Variants in XIRP2 observed in about 807,000 individuals in gnomAD.
XIRP2 encodes xin actin-binding repeat-containing protein 2.
XIRP2 carries 236 observed loss-of-function variants against 277.0 expected under a neutral mutation model. The ratio of observed to expected loss-of-function variants is 0.85; its 90% CI spans 0.77 to 0.95. The LOEUF (loss-of-function observed/expected upper bound fraction) is 0.95. Among genes scored for constraint, XIRP2 ranks in the 40% least tolerant of loss-of-function variants. The pLI, the probability that XIRP2 is intolerant of heterozygous loss-of-function variation, is 0.00. For synonymous variants in XIRP2, 1,490 were observed against 1,416.5 expected, an observed-to-expected ratio of 1.05 and a Z score of -1.17; for missense variants, 4,640 against 4,157.5, an observed-to-expected ratio of 1.12 and a Z score of -3.19.
chr2:166,914,374 T>G (rs991056577), intron 2 of XIRP2, among the ~76,000 whole-genome samples: 3 of 152,340 alleles, frequency 2.0e-5, no homozygotes, highest in Non-Finnish European at 4.4e-5. Flanking sequence ...GGAGTCTCGC[T>G]CTGTCACCCA....
chr2:167,174,099 G>A (rs374520347), intron 3 of XIRP2, among the ~76,000 whole-genome samples: 1 of 152,140 alleles, frequency 6.6e-6, no homozygotes, highest in Non-Finnish European at 1.5e-5. Context: ...TCTCTGCCAG[G>A]TTTCAGTATC....
At chr2:167,236,238 C>A in intron 5 of XIRP2, among the ~76,000 whole-genome samples, 1 of 151,320 alleles carries the variant, frequency 6.6e-6, no homozygotes, top group African/African-American at 2.4e-5. Flanking sequence ...AGTGAGTCGC[C>A]ATAAAAAAAA....
At chr2:167,221,058 G>A (rs868707839) in intron 5 of XIRP2, among the ~76,000 whole-genome samples, 6 of 152,080 alleles carry the variant, frequency 3.9e-5, no homozygotes, top group African/African-American at 1.2e-4. Context: ...ATTGAATAAA[G>A]TTAAGCCATA....
At chr2:167,078,810 C>T (rs1323491933) in intron 2 of XIRP2, among the ~76,000 whole-genome samples, 2 of 146,106 alleles carry the variant, frequency 1.4e-5, no homozygotes, top group African/African-American at 5.0e-5. Flanking sequence ...TGCACTCCAG[C>T]CTGAGCGACA....
At chr2:167,034,119 A>G (rs1004638509) in intron 2 of XIRP2, among the ~76,000 whole-genome samples, 2 of 152,204 alleles carry the variant, frequency 1.3e-5, no homozygotes, top group African/African-American at 2.4e-5. Flanking sequence ...GAAACCATAA[A>G]AAGTTAAAAA....
At chr2:167,188,044 C>A (rs1693208404) in intron 3 of XIRP2, among the ~76,000 whole-genome samples, 1 of 152,130 alleles carries the variant, frequency 6.6e-6, no homozygotes, top group African/African-American at 2.4e-5. Flanking sequence ...GTCTCATCTC[C>A]TCTGGGAGTA....
intron 10 of XIRP2, among the ~76,000 whole-genome samples, chr2:167,257,163 A>G (rs1017966451): frequency 2.0e-5 from 3 of 151,904 alleles, no homozygotes; most frequent in Non-Finnish European, 2.9e-5. Flanking sequence ...TCCCTCTGCT[A>G]TCACCAATAC....
intron 2 of XIRP2, among the ~76,000 whole-genome samples, chr2:167,015,980 T>C (rs1164415924): frequency 6.6e-6 from 1 of 151,842 alleles, no homozygotes; most frequent in South Asian, 2.1e-4. Flanking sequence ...TCCAACTCTC[T>C]CTTCCATAAC....
rs766893226 is a variant in XIRP2 at position 167,243,289 on chromosome 2, T to G, written c.1897T>G (p.Ser633Ala). ...TQPIDTLGAY[S>A]SDTVENAEKI... ...ACCCATCGACACACTTGGGGCTTAT[T>G]CTTCTGACACTGTAGAAAATGCAGA... Residue 633 changes from serine to alanine, a missense_variant, in exon 9 of 11, where the codon TCT (serine) becomes GCT (alanine). Physicochemically the swap from Ser to Ala is moderately conservative, Grantham distance 99. Transcript: ENST00000409195. 1 of 1,613,686 alleles carries G rather than the reference T, an allele frequency of 6.2e-7. No homozygotes were observed. Among genetic ancestry groups the G allele is most frequent in the Non-Finnish European group, 8.5e-7 (1 of 1,179,806 alleles).
chr2:167,012,563 T>C (rs990123846), intron 2 of XIRP2, among the ~76,000 whole-genome samples: 1 of 151,682 alleles, frequency 6.6e-6, no homozygotes. Context: ...AGAGCCTTTC[T>C]TTCTAGATTT....
chr2:167,073,436 A>G (rs973529984), intron 2 of XIRP2, among the ~76,000 whole-genome samples: 2 of 152,118 alleles, frequency 1.3e-5, no homozygotes, highest in Non-Finnish European at 2.9e-5. Flanking sequence ...GTTTTGTAAG[A>G]AAATCCTATG....
chr2:167,001,371 G>A (rs1194195014), intron 2 of XIRP2, among the ~76,000 whole-genome samples: 4 of 152,026 alleles, frequency 2.6e-5, no homozygotes, highest in African/African-American at 9.7e-5. Flanking sequence ...TTCTGAGTTA[G>A]GATAAACGCT....
intron 3 of XIRP2, among the ~76,000 whole-genome samples, chr2:167,176,636 A>T (rs562968670): frequency 6.6e-6 from 1 of 152,318 alleles, no homozygotes; most frequent in Admixed American, 6.5e-5. Context: ...AACAAGCTGA[A>T]ATAAATATTA....
intron 2 of XIRP2, among the ~76,000 whole-genome samples, chr2:167,014,590 C>T (rs2105475697): frequency 6.6e-6 from 1 of 151,480 alleles, no homozygotes; most frequent in South Asian, 2.1e-4. Context: ...AAAGATGAAA[C>T]ATAGAGCAAC....
intron 2 of XIRP2, among the ~76,000 whole-genome samples, chr2:167,013,138 C>T (rs73970216): frequency 6.6e-6 from 1 of 151,212 alleles, no homozygotes; most frequent in Admixed American, 6.6e-5. Context: ...CCCAATATGA[C>T]TCATGTCAGT....
chr2:167,228,823 C>A (rs1559030726), intron 5 of XIRP2, among the ~76,000 whole-genome samples: 2 of 152,120 alleles, frequency 1.3e-5, no homozygotes, highest in Non-Finnish European at 2.9e-5. Flanking sequence ...ATTCAAGTAC[C>A]AATACCACAA....
intron 3 of XIRP2, among the ~76,000 whole-genome samples, chr2:167,196,412 T>TTGTG (rs71031280): frequency 0.38 from 53,836 of 141,540 alleles, 10,877 homozygotes; most frequent in Non-Finnish European, 0.45. Context: ...GTCAAGAATT[T>TTGTG]TGTGTGTGTG....
At chr2:167,100,534 C>T (rs1690458760) in intron 2 of XIRP2, among the ~76,000 whole-genome samples, 1 of 152,138 alleles carries the variant, frequency 6.6e-6, no homozygotes, top group African/African-American at 2.4e-5. Context: ...TAGTATTTCC[C>T]CTTGGCCTAA....
chr2:167,096,066 G>T (rs1168750163), intron 2 of XIRP2, among the ~76,000 whole-genome samples: 2 of 143,862 alleles, frequency 1.4e-5, no homozygotes, highest in African/African-American at 5.6e-5. Context: ...GTAGAGACTG[G>T]ATTTCACTGG....
Sources: allele counts gnomAD v4.1 joint callset (sites outside exome capture counted in the v4.1 genomes callset), GRCh38; gene constraint gnomAD v4.1.1; transcripts MANE v1.5; gene names NCBI Gene and HGNC (gene_info 2026-07-23, HGNC 2026-07-21).